The following ASCC3 variants were observed in gnomAD, a reference collection of about 807,000 sequenced individuals.
The protein encoded by ASCC3 is activating signal cointegrator 1 complex subunit 3.
A neutral mutation model predicts 256.3 loss-of-function variants in ASCC3; 158 were observed. That is an observed-to-expected ratio of 0.62 (90% CI 0.54 to 0.70). The LOEUF is 0.70. ASCC3 is among the 30% of genes least tolerant of loss of function. The probability of loss-of-function intolerance (pLI) is 0.00; values close to 1 mark genes in which losing one functional copy is unlikely to be tolerated. For synonymous variants in ASCC3, 948 were observed against 883.4 expected, an observed-to-expected ratio of 1.07 and a Z score of -1.30; for missense variants, 2,259 against 2,626.0, an observed-to-expected ratio of 0.86 and a Z score of 3.05.
chr6:100,690,412 C>A (rs1017745546), intron 13 of ASCC3, among the ~76,000 whole-genome samples: 1 of 151,980 alleles, frequency 6.6e-6, no homozygotes, highest in Non-Finnish European at 1.5e-5. Flanking sequence ...AAGGAAGCAT[C>A]CTTACTTTGG....
chr6:100,767,379 T>C (rs762748699), intron 8 of ASCC3, 34 bp from the exon 9 acceptor site: 5 of 1,586,116 alleles, frequency 3.2e-6, no homozygotes, highest in Admixed American at 3.3e-5. Context: ...TTATAAATAG[T>C]AACAATGTGA....
At chr6:100,795,206 A>AAC (rs1460059042) in intron 8 of ASCC3, among the ~76,000 whole-genome samples, 2 of 151,460 alleles carry the variant, frequency 1.3e-5, no homozygotes, top group East Asian at 3.9e-4. Context: ...GAAAAAAAAA[A>AAC]CCCATTGCTT....
chr6:100,798,170 T>C (rs940959153), intron 8 of ASCC3, among the ~76,000 whole-genome samples: 6 of 152,260 alleles, frequency 3.9e-5, no homozygotes, highest in Non-Finnish European at 8.8e-5. Context: ...ATGAATACTT[T>C]AACCTAAACT....
At chr6:100,681,965 C>T (rs1240253390) in intron 13 of ASCC3, among the ~76,000 whole-genome samples, 1 of 151,978 alleles carries the variant, frequency 6.6e-6, no homozygotes, top group Non-Finnish European at 1.5e-5. Flanking sequence ...GACTGATAAA[C>T]ACTATTTAAT....
rs750792221 is a variant in ASCC3, at chr6:100,601,803, C to A, written c.5303+7G>T. 1 of 1,611,734 alleles carries A rather than the reference C, an allele frequency of 6.2e-7. No individual in the cohort carries two copies. The highest frequency in any genetic ancestry group is 1.1e-5 in the South Asian group (1 of 91,000). ...ACAGAAAGGTATATAACTGCCCTTG[C>A]ACTTACCTGGGATTCATGATAAGAC... On this transcript the variant is annotated splice_region_variant and intron_variant, in intron 34 of 41. Coordinates refer to ENST00000369162, the MANE Select transcript of ASCC3 (RefSeq NM_006828.4).
intron 4 of ASCC3, among the ~76,000 whole-genome samples, chr6:100,834,996 T>C (rs1294994521): frequency 1.3e-5 from 2 of 152,054 alleles, no homozygotes; most frequent in Admixed American, 6.6e-5. Flanking sequence ...AATTTCCAAA[T>C]TCTCGAATCT....
chr6:100,556,142 C>T (rs77691113), intron 36 of ASCC3, among the ~76,000 whole-genome samples: 9,162 of 152,052 alleles, frequency 0.06, 343 homozygotes, highest in African/African-American at 0.099. Flanking sequence ...CAAAAAGAAC[C>T]CCACAAGAAT....
intron 4 of ASCC3, 85 bp from the exon 5 acceptor site, chr6:100,805,965 T>C (rs1050827397): frequency 2.2e-6 from 3 of 1,349,998 alleles, no homozygotes; most frequent in Non-Finnish European, 3.1e-6. Flanking sequence ...TCAACAGAGG[T>C]GTAAAGCCAA....
At chr6:100,724,789 A>G (rs1694919206) in intron 11 of ASCC3, among the ~76,000 whole-genome samples, 1 of 151,970 alleles carries the variant, frequency 6.6e-6, no homozygotes, top group Non-Finnish European at 1.5e-5. Context: ...ATGAAGAGTG[A>G]GAAAGGAAAC....
chr6:100,641,427 T>A (rs1274136316), intron 24 of ASCC3, among the ~76,000 whole-genome samples: 1 of 152,222 alleles, frequency 6.6e-6, no homozygotes, highest in Non-Finnish European at 1.5e-5. Flanking sequence ...GTGGTTTTGA[T>A]TGGCATTTCT....
In ASCC3 at chr6:100,513,001, C is replaced by T. The variant is rs190740572; in HGVS notation, c.6076-83G>A. ...AATTAAGAAATAGTGTGCTTTTAGA[C>T]GAAAATTAACCTTTTAATGTTGAGA... On this transcript the variant is annotated intron_variant, in intron 39 of 41. Coordinates refer to ENST00000369162, the MANE Select transcript of ASCC3 (RefSeq NM_006828.4). 117 of 1,210,626 alleles carry T rather than the reference C, an allele frequency of 9.7e-5. 1 individual carries two copies. Among genetic ancestry groups the T allele is most frequent in the Admixed American group, 6.2e-4 (31 of 50,136 alleles). 75.0% of individuals were successfully genotyped at this position (1,210,626 alleles called of 1,614,324 possible).
chr6:100,825,834 C>T (rs924199834), intron 4 of ASCC3, among the ~76,000 whole-genome samples: 12 of 151,930 alleles, frequency 7.9e-5, no homozygotes, highest in African/African-American at 2.9e-4. Context: ...CTTGTCTTCT[C>T]ACTTTATTTC....
chr6:100,620,235 A>C (rs891974902), intron 30 of ASCC3, among the ~76,000 whole-genome samples: 1 of 152,098 alleles, frequency 6.6e-6, no homozygotes, highest in African/African-American at 2.4e-5. Context: ...AAGACCTAAT[A>C]ATAGCTTGAG....
At chr6:100,696,364 G>A (rs1292172519) in intron 13 of ASCC3, among the ~76,000 whole-genome samples, 1 of 151,946 alleles carries the variant, frequency 6.6e-6, no homozygotes, top group African/African-American at 2.4e-5. Flanking sequence ...ATGGATAATT[G>A]TATCAGATTT....
intron 36 of ASCC3, among the ~76,000 whole-genome samples, chr6:100,589,166 G>A (rs1771858427): frequency 6.6e-6 from 1 of 152,022 alleles, no homozygotes; most frequent in Non-Finnish European, 1.5e-5. Flanking sequence ...TTTTGGTAAG[G>A]GTGTTTGTGG....
rs557348881 is a variant in ASCC3, at chr6:100,826,480, G to A, written c.802-20600C>T. ...TTAAGTCTAAATGGATCCTTATACA[G>A]TTCACTTTTGTACTGTTTCCTCATT... On this transcript the variant is annotated intron_variant, in intron 4 of 41. Transcript: ENST00000369162. 3.9e-5 allele frequency among the ~76,000 whole-genome samples: 6 copies of A among 152,218 alleles called. No homozygotes were observed. In the East Asian group the frequency reaches 9.7e-4, roughly 25 times the overall value.
chr6:100,701,993 G>A (rs1778379551), intron 13 of ASCC3, among the ~76,000 whole-genome samples: 1 of 152,048 alleles, frequency 6.6e-6, no homozygotes, highest in African/African-American at 2.4e-5. Flanking sequence ...AGCAGGTAAT[G>A]GCAAAACAAT....
At chr6:100,831,856 T>A (rs1771634311) in intron 4 of ASCC3, among the ~76,000 whole-genome samples, 1 of 151,898 alleles carries the variant, frequency 6.6e-6, no homozygotes, top group Non-Finnish European at 1.5e-5. Context: ...GTTGCTTTAT[T>A]AAAAAAGGAA....
At chr6:100,684,643 C>G (rs1464590347) in intron 13 of ASCC3, among the ~76,000 whole-genome samples, 1 of 151,958 alleles carries the variant, frequency 6.6e-6, no homozygotes, top group South Asian at 2.1e-4. Flanking sequence ...GTTTATTACT[C>G]GTTTACATGC....
Sources: allele counts gnomAD v4.1 joint callset (sites outside exome capture counted in the v4.1 genomes callset), GRCh38; gene constraint gnomAD v4.1.1; transcripts MANE v1.5; gene names NCBI Gene and HGNC (gene_info 2026-07-23, HGNC 2026-07-21).